The following RAPGEF4 variants were observed in gnomAD, a reference collection of about 807,000 sequenced individuals.
RAPGEF4 encodes Rap guanine nucleotide exchange factor 4.
In RAPGEF4, 66 loss-of-function variants were observed where a neutral mutation model predicts 147.9. That is an observed-to-expected ratio of 0.45 (90% confidence interval 0.37 to 0.55). The LOEUF (loss-of-function observed/expected upper bound fraction) is 0.55. Ranked by LOEUF, RAPGEF4 falls within the 20% of genes least tolerant of loss-of-function variation. The pLI is 0.00. For missense variants in RAPGEF4, 1,071 were observed against 1,257.3 expected (o/e 0.85, Z 2.24); for synonymous variants, 419 against 442.7 (o/e 0.95, Z 0.67).
intron 1 of RAPGEF4, among the ~76,000 whole-genome samples, chr2:172,781,990 C>T (rs1357239977): frequency 2.0e-5 from 3 of 152,280 alleles, no homozygotes; most frequent in Non-Finnish European, 4.4e-5. Context: ...TTCAAGTCCC[C>T]GACTTCACAC....
At chr2:173,032,048 G>A (rs1697239971) in intron 26 of RAPGEF4, among the ~76,000 whole-genome samples, 1 of 152,098 alleles carries the variant, frequency 6.6e-6, no homozygotes, top group Admixed American at 6.5e-5. Context: ...AAAATAGAAA[G>A]GAAAGCCAGA....
chr2:172,938,214 TACAC>T (rs57780996), intron 6 of RAPGEF4, among the ~76,000 whole-genome samples: 79 of 148,242 alleles, frequency 5.3e-4, no homozygotes, highest in African/African-American at 1.4e-3. Context: ...TATCTGTAAG[TACAC>T]ACACACACAC....
At position 172,993,440 on chromosome 2, in the gene RAPGEF4, C is replaced by T. The variant is rs575034708; in HGVS notation, c.1490+2515C>T. ...TTCAGGTCCCCTTCTCCACACCCTT[C>T]TCTATTCTAGGAACAGATTGTAGTG... On this transcript the variant is annotated intron_variant, in intron 15 of 30. Transcript: ENST00000397081. Among the ~76,000 whole-genome samples, 155 of 152,304 alleles carry T rather than the reference C, an allele frequency of 1.0e-3. 1 individual carries two copies. Among genetic ancestry groups the T allele is most frequent in the Non-Finnish European group, 1.6e-3 (108 of 68,020 alleles).
chr2:173,051,528 T>G, intron 30 of RAPGEF4, 112 bp from the exon 31 acceptor site: 1 of 1,206,992 alleles, frequency 8.3e-7, no homozygotes, highest in Non-Finnish European at 1.1e-6. Context: ...TTGAAAGGTC[T>G]TGAGGGAACC....
chr2:173,009,915 A>C (rs1370878145), intron 17 of RAPGEF4, among the ~76,000 whole-genome samples: 1 of 152,218 alleles, frequency 6.6e-6, no homozygotes, highest in Non-Finnish European at 1.5e-5. Context: ...TTTCCCAACA[A>C]ACTTTGAAGT....
At chr2:172,772,561 C>T (rs1683732568) in intron 1 of RAPGEF4, among the ~76,000 whole-genome samples, 1 of 152,154 alleles carries the variant, frequency 6.6e-6, no homozygotes, top group African/African-American at 2.4e-5. Context: ...CCAGGCTGGT[C>T]TCAAACTCCT....
chr2:172,922,941 G>A (rs1278574682), intron 6 of RAPGEF4, among the ~76,000 whole-genome samples: 1 of 152,234 alleles, frequency 6.6e-6, no homozygotes, highest in African/African-American at 2.4e-5. Context: ...AACATGGAAG[G>A]GTTAACGATA....
chr2:172,934,966 T>C (rs1446495159), intron 6 of RAPGEF4, among the ~76,000 whole-genome samples: 2 of 152,056 alleles, frequency 1.3e-5, no homozygotes, highest in African/African-American at 4.8e-5. Flanking sequence ...CACTTGAGCC[T>C]AGGAGTTCAA....
chr2:172,833,879 T>C lies in RAPGEF4; in HGVS notation c.444+19454T>C, dbSNP rs114005083. Among the ~76,000 whole-genome samples, 1,445 of 152,354 alleles carry C rather than the reference T, an allele frequency of 9.5e-3. 13 individuals carry two copies. The highest frequency in any genetic ancestry group is 0.032 in the African/African-American group (1,339 of 41,580). On this transcript the variant is annotated intron_variant, in intron 4 of 30. Coordinates refer to ENST00000397081, the MANE Select transcript of RAPGEF4 (RefSeq NM_007023.4). ...TCCCTAAGGACATACAGTATCACTA[T>C]TGAAGCAAAACTTTTAAAAAATCAT... is the stretch of plus-strand genomic sequence containing the variant.
chr2:172,762,712 AATGTTGCTGCC>A (rs1696463932), intron 1 of RAPGEF4, among the ~76,000 whole-genome samples: 2 of 152,198 alleles, frequency 1.3e-5, no homozygotes, highest in Admixed American at 1.3e-4. Flanking sequence ...GTATTTGGAC[AATGTTGCTGCC>A]TAACACAAGG....
chr2:172,958,727 AG>A (rs1257230094), intron 6 of RAPGEF4, among the ~76,000 whole-genome samples: 1 of 152,238 alleles, frequency 6.6e-6, no homozygotes, highest in Non-Finnish European at 1.5e-5. Context: ...AGGGGAAAAA[AG>A]TCTGCTAGAT....
intron 4 of RAPGEF4, among the ~76,000 whole-genome samples, chr2:172,835,472 A>C (rs1160910782): frequency 2.0e-5 from 3 of 152,224 alleles, no homozygotes; most frequent in Non-Finnish European, 2.9e-5. Flanking sequence ...ATGGTATCAA[A>C]ATGAGGTTTT....
chr2:173,033,790 C>A, intron 26 of RAPGEF4, 124 bp from the exon 27 acceptor site: 1 of 838,248 alleles, frequency 1.2e-6, no homozygotes, highest in Non-Finnish European at 1.9e-6. Flanking sequence ...TACAGTCTGG[C>A]CTGTCTCAGA....
In RAPGEF4 at chr2:172,973,765, G is replaced by C. The variant is rs369701179; in HGVS notation, c.1004+6321G>C. ...CTATCTCCAGAGAATAGACTGGAGGGGCCAACTAAAGACAGAAAGCCAGAT... is the reference window on the plus strand; with the variant it reads ...CTATCTCCAGAGAATAGACTGGAGGCGCCAACTAAAGACAGAAAGCCAGAT... On this transcript the variant is annotated intron_variant, in intron 10 of 30. Coordinates refer to ENST00000397081, the MANE Select transcript of RAPGEF4 (RefSeq NM_007023.4). Among the ~76,000 whole-genome samples the C allele has an allele frequency of 9.9e-5, 15 of 152,280 alleles. 1 individual carries two copies. Among genetic ancestry groups the C allele is most frequent in the African/African-American group, 3.4e-4 (14 of 41,558 alleles).
chr2:172,972,014 CAT>C (rs903940130), intron 10 of RAPGEF4, among the ~76,000 whole-genome samples: 2 of 137,994 alleles, frequency 1.4e-5, no homozygotes, highest in Non-Finnish European at 3.0e-5. Flanking sequence ...TCATATCAAA[CAT>C]ATGCTATAGG....
intron 7 of RAPGEF4, 77 bp downstream of exon 7, chr2:172,960,890 G>GCTTCCTGATGT: frequency 1.6e-6 from 2 of 1,229,248 alleles, no homozygotes; most frequent in Non-Finnish European, 1.2e-6. Flanking sequence ...ATATGTCAGG[G>GCTTCCTGATGT]GATCACATCA....
intron 30 of RAPGEF4, 92 bp from the exon 31 acceptor site, chr2:173,051,548 A>G: frequency 7.2e-7 from 1 of 1,382,778 alleles, no homozygotes; most frequent in Non-Finnish European, 9.8e-7. Context: ...CCAGGAACCT[A>G]TGATAAATGT....
chr2:172,787,629 T>C (rs2149526139), intron 1 of RAPGEF4, among the ~76,000 whole-genome samples: 1 of 151,914 alleles, frequency 6.6e-6, no homozygotes, highest in South Asian at 2.1e-4. Flanking sequence ...ATTTATTTAT[T>C]TATTTATTGA....
In RAPGEF4 at chr2:173,027,212, C is replaced by G; in HGVS notation, c.2511C>G (p.Leu837=). The G allele has an allele frequency of 6.2e-7, 1 of 1,610,826 alleles. No homozygotes were observed. Among genetic ancestry groups the G allele is most frequent in the Non-Finnish European group, 8.5e-7 (1 of 1,179,162 alleles). Residue 837 remains leucine, a synonymous_variant, in exon 25 of 31, where the codon CTC becomes CTG. Transcript: ENST00000397081. ...CTGAGATCTGCCTTTGTTCTCAGCT[C>G]AGCAAGCGTGTTCAGCTATTAAAAA... The part of the protein sequence containing the change: ...VVTEICLCSQ[L]SKRVQLLKKF...
Sources: allele counts gnomAD v4.1 joint callset (sites outside exome capture counted in the v4.1 genomes callset), GRCh38; gene constraint gnomAD v4.1.1; transcripts MANE v1.5; gene names NCBI Gene and HGNC (gene_info 2026-07-23, HGNC 2026-07-21).